Variants in GFM2 observed in about 807,000 individuals in gnomAD.
GFM2 encodes the protein GTP dependent ribosome recycling factor mitochondrial 2, also known as ribosome-releasing factor 2, mitochondrial.
GFM2 carries 72 observed loss-of-function variants against 95.4 expected under a neutral mutation model. The observed-to-expected ratio is 0.76, with a 90% CI of 0.62 to 0.92. The LOEUF is 0.92. Among genes scored for constraint, GFM2 ranks in the 40% least tolerant of loss-of-function variants. GFM2 has a pLI of 0.00. For synonymous variants in GFM2, 276 were observed against 317.5 expected (o/e 0.87, Z 1.39); for missense variants, 825 against 924.1 (o/e 0.89, Z 1.39).
chr5:74,745,788 TC>T lies in GFM2; in HGVS notation c.738del (p.Trp246Ter). ...VDVVMKEKLL[W>X]NCNSNDGKDF... The stretch of plus-strand genomic sequence containing the variant: ...TCTTTTCCATCATTTGAATTGCAAT[TC>T]CAAAGAAGTTTTTCTTTCATTACTA... On this transcript the variant is annotated frameshift_variant, in exon 10 of 21. Transcript: ENST00000296805. LOFTEE classifies it high-confidence loss of function. 1 of 1,613,668 alleles carries T rather than the reference TC, an allele frequency of 6.2e-7. No individual in the cohort carries two copies. Among genetic ancestry groups the T allele is most frequent in the Non-Finnish European group, 8.5e-7 (1 of 1,179,850 alleles).
At chr5:74,741,044 C>T (rs1743082512) in intron 11 of GFM2, among the ~76,000 whole-genome samples, 1 of 152,144 alleles carries the variant, frequency 6.6e-6, no homozygotes. Flanking sequence ...CAGTTACTAT[C>T]AATATTTTAA....
intron 5 of GFM2, among the ~76,000 whole-genome samples, chr5:74,757,730 CT>C (rs1163477732): frequency 3.0e-5 from 1 of 33,176 alleles, no homozygotes; most frequent in African/African-American, 2.3e-4. Flanking sequence ...GCCTATGTCT[CT>C]AAAAAAAAAA....
chr5:74,746,653 G>A (rs1743402095), intron 8 of GFM2, among the ~76,000 whole-genome samples: 1 of 152,092 alleles, frequency 6.6e-6, no homozygotes, highest in South Asian at 2.1e-4. Context: ...ACTGCAGCTG[G>A]CTACCTATAG....
At position 74,761,006 on chromosome 5, in the gene GFM2, A is replaced by G. The variant is rs1744256099; in HGVS notation, c.64-20T>C. 7.4e-7 allele frequency: 1 copy of G among 1,359,196 alleles called. No individual in the cohort carries two copies. Among genetic ancestry groups the G allele is most frequent in the Admixed American group, 1.9e-5 (1 of 52,500 alleles). 84.2% of individuals were successfully genotyped at this position (1,359,196 alleles called of 1,614,324 possible). A position where few individuals can be genotyped will look rare whatever the true frequency, so the allele number is the denominator to read the frequency against. The stretch of plus-strand genomic sequence containing the variant: ...TATATTCTAGTAAAGAGAAAAAGAA[A>G]CTTGGCATTAATTTTATTTTAGCAT... On this transcript the variant is annotated intron_variant, in intron 2 of 20. Transcript: ENST00000296805.
intron 5 of GFM2, among the ~76,000 whole-genome samples, chr5:74,754,612 A>G (rs1485822545): frequency 1.3e-5 from 2 of 152,190 alleles, no homozygotes; most frequent in African/African-American, 4.8e-5. Context: ...TAAAAAAGAC[A>G]AAGAGGGATA....
chr5:74,750,720 G>T, intron 6 of GFM2, 53 bp from the exon 7 acceptor site: 1 of 1,296,628 alleles, frequency 7.7e-7, no homozygotes, highest in Non-Finnish European at 1.1e-6. Context: ...ACCATCATAT[G>T]ATCCAGCAAT....
At chr5:74,722,602 AAAACTTAAAATAAATAC>A (rs774771409) in intron 19 of GFM2, 41 bp from the exon 20 acceptor site, 15 of 1,525,954 alleles carry the variant, frequency 9.8e-6, no homozygotes, top group Middle Eastern at 3.6e-4. Context: ...TTCATAAATA[AAAACTTAAAATAAATAC>A]AGCCTAGAGC....
chr5:74,748,053 A>T (rs890467509), intron 7 of GFM2, among the ~76,000 whole-genome samples: 1 of 152,246 alleles, frequency 6.6e-6, no homozygotes, highest in African/African-American at 2.4e-5. Flanking sequence ...TTAACACCTC[A>T]GGAGGTACTG....
chr5:74,723,934 G>A (rs907034278), intron 19 of GFM2, among the ~76,000 whole-genome samples: 1 of 152,128 alleles, frequency 6.6e-6, no homozygotes, highest in Non-Finnish European at 1.5e-5. Flanking sequence ...TTTAGGTAGA[G>A]TAAAATATAA....
intron 1 of GFM2, among the ~76,000 whole-genome samples, chr5:74,765,777 A>C (rs1221408220): frequency 6.7e-6 from 1 of 148,690 alleles, no homozygotes; most frequent in Admixed American, 6.6e-5. Flanking sequence ...CAGGTGGATC[A>C]CCTGAAGTCA....
At chr5:74,750,755 GTGTGTGTGTATA>G (rs1743657280) in intron 6 of GFM2, 88 bp from the exon 7 acceptor site, 2 of 876,556 alleles carry the variant, frequency 2.3e-6, no homozygotes, top group Non-Finnish European at 3.7e-6. Flanking sequence ...CTGGGGAGGG[GTGTGTGTGTATA>G]TATATGTGTA....
chr5:74,725,352 T>C (rs942377476), intron 19 of GFM2: 13 of 277,222 alleles, frequency 4.7e-5, no homozygotes, highest in African/African-American at 2.6e-4. Flanking sequence ...AATAGCTGTC[T>C]GTCAGGGATG....
chr5:74,762,359 A>G (rs1458107017), intron 2 of GFM2, among the ~76,000 whole-genome samples: 1 of 152,206 alleles, frequency 6.6e-6, no homozygotes. Flanking sequence ...GGTTCTGTTC[A>G]TGTCTTCTGC....
intron 10 of GFM2, among the ~76,000 whole-genome samples, chr5:74,744,174 G>A (rs551980763): frequency 2.0e-5 from 3 of 150,650 alleles, no homozygotes; most frequent in South Asian, 4.2e-4. Context: ...ATTACTCCTA[G>A]GCTACAAATC....
chr5:74,736,989 C>T lies in GFM2; in HGVS notation c.1321-4G>A. 6.2e-7 allele frequency: 1 copy of T among 1,612,630 alleles called. No individual in the cohort carries two copies. The highest frequency in any genetic ancestry group is 8.5e-7 in the Non-Finnish European group (1 of 1,179,438). On this transcript the variant is annotated splice_polypyrimidine_tract_variant and splice_region_variant and intron_variant, in intron 14 of 20. Transcript: ENST00000296805. ...CAATGGTGTCTCCAGTGGCAGTCTG[C>T]AAGCAAACAAGATGACTTGGAACGA...
intron 1 of GFM2, among the ~76,000 whole-genome samples, chr5:74,766,417 C>T (rs116058851): frequency 0.015 from 2,315 of 152,314 alleles, 38 homozygotes; most frequent in Middle Eastern, 0.034. Context: ...CTGAATCACG[C>T]TGCAAGCTGT....
chr5:74,761,488 G>A (rs1377161907), intron 2 of GFM2, among the ~76,000 whole-genome samples: 15 of 152,084 alleles, frequency 9.9e-5, no homozygotes, highest in Non-Finnish European at 2.2e-4. Flanking sequence ...AGGTCTGTAG[G>A]GGGCAATGAA....
At chr5:74,727,355 T>C (rs922846123) in intron 17 of GFM2, among the ~76,000 whole-genome samples, 2 of 152,186 alleles carry the variant, frequency 1.3e-5, no homozygotes, top group African/African-American at 4.8e-5. Flanking sequence ...ATATCACATA[T>C]GCATGTATTT....
chr5:74,732,647 C>T (rs1159332896), intron 16 of GFM2, among the ~76,000 whole-genome samples: 2 of 152,100 alleles, frequency 1.3e-5, no homozygotes, highest in Admixed American at 6.6e-5. Flanking sequence ...TTACTGTCTT[C>T]AAAAGCACCT....
Sources: allele counts gnomAD v4.1 joint callset (sites outside exome capture counted in the v4.1 genomes callset), GRCh38; gene constraint gnomAD v4.1.1; transcripts MANE v1.5; gene names NCBI Gene and HGNC (gene_info 2026-07-23, HGNC 2026-07-21).